The following GAP43 variants were observed in gnomAD, a reference collection of about 807,000 sequenced individuals.
GAP43 encodes the protein growth associated protein 43.
GAP43 carries 6 observed loss-of-function variants against 18.6 expected under a neutral mutation model. The ratio of observed to expected loss-of-function variants is 0.32; its 90% CI spans 0.18 to 0.64. The LOEUF is 0.64. Among genes scored for constraint, GAP43 ranks in the 30% least tolerant of loss-of-function variants. The probability of loss-of-function intolerance (pLI) is 0.78; values close to 1 mark genes in which losing one functional copy is unlikely to be tolerated. For missense variants in GAP43, 292 were observed against 295.5 expected, an observed-to-expected ratio of 0.99 and a Z score of 0.09; for synonymous variants, 115 against 111.4, an observed-to-expected ratio of 1.03 and a Z score of -0.20.
chr3:115,669,976 T>TA, intron 1 of GAP43, among the ~76,000 whole-genome samples: 1 of 135,252 alleles, frequency 7.4e-6, no homozygotes, highest in South Asian at 2.4e-4. Flanking sequence ...TTTTTATTTT[T>TA]TTTTTTTAAT....
intron 1 of GAP43, among the ~76,000 whole-genome samples, chr3:115,675,758 C>CAAAAAA (rs67744380): frequency 1.4e-4 from 7 of 50,558 alleles, no homozygotes; most frequent in African/African-American, 1.7e-4. Flanking sequence ...GACTCTATCT[C>CAAAAAA]AAAAAAAAAA....
In GAP43 at chr3:115,644,155, T is replaced by C. The variant is rs191433495; in HGVS notation, c.30+20436T>C. Among the ~76,000 whole-genome samples the C allele has an allele frequency of 1.1e-3, 163 of 152,222 alleles. 1 individual carries two copies. The highest frequency in any genetic ancestry group is 3.8e-3 in the African/African-American group (159 of 41,568). ...CTACAAAATGCCTATTTATTTCTCC[T>C]TTTATATTTTAATTGTTTAAATATT... On this transcript the variant is annotated intron_variant, in intron 1 of 2. Coordinates refer to ENST00000305124, the MANE Select transcript of GAP43 (RefSeq NM_002045.4). The surrounding 1 kb of genome is among the most constrained non-coding windows in gnomAD (Gnocchi z 4.2).
intron 1 of GAP43, among the ~76,000 whole-genome samples, chr3:115,665,568 C>T (rs7618949): frequency 0.17 from 25,527 of 152,022 alleles, 2,713 homozygotes; most frequent in South Asian, 0.26. Flanking sequence ...ACTTCATAAC[C>T]TATAATGCAT....
intron 2 of GAP43, among the ~76,000 whole-genome samples, chr3:115,709,363 G>T (rs1295995041): frequency 6.6e-6 from 1 of 152,146 alleles, no homozygotes; most frequent in Admixed American, 6.5e-5. Flanking sequence ...AATGTTGTTT[G>T]CCTGGCCTCT....
At chr3:115,697,284 A>G (rs78125008) in intron 2 of GAP43, among the ~76,000 whole-genome samples, 6,732 of 152,250 alleles carry the variant, frequency 0.044, 412 homozygotes, top group East Asian at 0.17. Flanking sequence ...AACTGGAACA[A>G]GCAGTAAATG....
At chr3:115,652,389 A>ATTTTTTTT (rs1708531283) in intron 1 of GAP43, among the ~76,000 whole-genome samples, 12 of 25,572 alleles carry the variant, frequency 4.7e-4, no homozygotes, top group African/African-American at 8.1e-4. Context: ...TTTTTTTGTG[A>ATTTTTTTT]TAGAGTCTTG....
chr3:115,677,883 G>A (rs941810814), intron 2 of GAP43, among the ~76,000 whole-genome samples: 51 of 152,098 alleles, frequency 3.4e-4, no homozygotes, highest in African/African-American at 1.2e-3. Context: ...ACTACAATAT[G>A]GTAGGTGACT....
chr3:115,676,085 G>A lies in GAP43; in HGVS notation c.103G>A (p.Ala35Thr), dbSNP rs759973547. 3 of 1,614,160 alleles carry A rather than the reference G, an allele frequency of 1.9e-6. No individual in the cohort carries two copies. Among genetic ancestry groups the A allele is most frequent in the South Asian group, 1.1e-5 (1 of 91,076 alleles). The stretch of plus-strand genomic sequence containing the variant: ...ACCAGAAGATAAAGCTCATAAGGCC[G>A]CAACCAAAATTCAGGCTAGCTTCCG... ...IKPEDKAHKA[A>T]TKIQASFRGH... is the part of the protein sequence containing the mutation. The change falls in exon 2 of 3, where the codon GCA becomes ACA. Residue 35 changes from alanine to threonine, a missense_variant. By Grantham distance (58) the Ala-to-Thr change is moderately conservative (BLOSUM62 0). Transcript: ENST00000305124.
At chr3:115,691,449 T>C (rs1428046304) in intron 2 of GAP43, among the ~76,000 whole-genome samples, 1 of 152,198 alleles carries the variant, frequency 6.6e-6, no homozygotes, top group Non-Finnish European at 1.5e-5. Context: ...AATATCCTCA[T>C]TGCTGAACTT....
chr3:115,669,874 C>T (rs1708790187), intron 1 of GAP43, among the ~76,000 whole-genome samples: 1 of 151,888 alleles, frequency 6.6e-6, no homozygotes, highest in South Asian at 2.1e-4. Flanking sequence ...ACTCTGCTCC[C>T]CATTCCCCTC....
intron 1 of GAP43, among the ~76,000 whole-genome samples, chr3:115,650,091 T>G (rs1367286808): frequency 1.3e-5 from 2 of 152,168 alleles, no homozygotes; most frequent in African/African-American, 4.8e-5. Context: ...CTCAGATGAT[T>G]ATGATGCTTG....
intron 1 of GAP43, among the ~76,000 whole-genome samples, chr3:115,630,678 A>G (rs1708249916): frequency 6.6e-6 from 1 of 152,140 alleles, no homozygotes; most frequent in African/African-American, 2.4e-5. Context: ...CCCTCACTTG[A>G]TATCTTGCTT....
At chr3:115,658,870 T>G (rs953529727) in intron 1 of GAP43, 3 of 152,428 alleles carry the variant, frequency 2.0e-5, no homozygotes, top group African/African-American at 7.2e-5. Flanking sequence ...TGCGCCGGGC[T>G]CTCTCCTTCG....
intron 1 of GAP43, among the ~76,000 whole-genome samples, chr3:115,629,042 T>C (rs1290449870): frequency 6.6e-6 from 1 of 152,250 alleles, no homozygotes; most frequent in Non-Finnish European, 1.5e-5. Flanking sequence ...CTCAGAGCTC[T>C]AGGAACCTGA....
rs546993005 is a variant in GAP43, at chr3:115,688,313, CT to C, written c.628+11704del. ...GGATTGTAGGCATAAGCCAGTGCCCCTGGCCTCAAATTATTAAAATTATTAT... is the reference window on the plus strand; with the variant it reads ...GGATTGTAGGCATAAGCCAGTGCCCCGGCCTCAAATTATTAAAATTATTAT... On this transcript the variant is annotated intron_variant, in intron 2 of 2. Transcript: ENST00000305124. 1.7e-3 allele frequency among the ~76,000 whole-genome samples: 261 copies of C among 152,266 alleles called. 1 individual carries two copies. Among genetic ancestry groups the C allele is most frequent in the African/African-American group, 6.0e-3 (248 of 41,554 alleles).
At chr3:115,651,842 C>T (rs1004872553) in intron 1 of GAP43, among the ~76,000 whole-genome samples, 2 of 152,142 alleles carry the variant, frequency 1.3e-5, no homozygotes, top group Non-Finnish European at 2.9e-5. Flanking sequence ...CTGTGCTGAA[C>T]ACTTCTTAGG....
At chr3:115,694,549 A>G (rs917575862) in intron 2 of GAP43, among the ~76,000 whole-genome samples, 6 of 152,316 alleles carry the variant, frequency 3.9e-5, no homozygotes, top group Middle Eastern at 3.4e-3. Flanking sequence ...AAAGCTCCAC[A>G]TGGAGTTTCT....
chr3:115,623,908 T>C (rs1032105869), intron 1 of GAP43, among the ~76,000 whole-genome samples, 189 bp downstream of exon 1: 2 of 152,204 alleles, frequency 1.3e-5, no homozygotes, highest in Non-Finnish European at 2.9e-5. Flanking sequence ...GGTTTTGGAA[T>C]GCTGCTACTA....
intron 1 of GAP43, among the ~76,000 whole-genome samples, chr3:115,653,374 G>A (rs191839208): frequency 9.2e-5 from 14 of 152,198 alleles, no homozygotes; most frequent in African/African-American, 3.1e-4. Context: ...CCTAGGAGGC[G>A]GAGGGTGCAG....
Sources: gnomAD v4.1 joint callset for allele counts (sites outside exome capture counted in the v4.1 genomes callset) on GRCh38, gnomAD v4.1.1 for gene constraint, Gnocchi (gnomAD v3.1) non-coding constraint, MANE v1.5 for transcripts, NCBI Gene and HGNC (gene_info 2026-07-23, HGNC 2026-07-21) for gene names.